Variants in GTF2A2 observed in about 807,000 individuals in gnomAD.
GTF2A2 encodes the protein general transcription factor IIA subunit 2, also known as transcription initiation factor IIA subunit 2.
GTF2A2 carries 9 observed loss-of-function variants against 14.3 expected under a neutral mutation model. That is an observed-to-expected ratio of 0.63 (90% confidence interval 0.38 to 1.10). The LOEUF (loss-of-function observed/expected upper bound fraction) is 1.10. Ranked by LOEUF, GTF2A2 falls within the 50% of genes least tolerant of loss-of-function variation. The pLI, the probability that GTF2A2 is intolerant of heterozygous loss-of-function variation, is 0.01. For synonymous variants in GTF2A2, 56 were observed against 46.0 expected, an observed-to-expected ratio of 1.22 and a Z score of -0.88; for missense variants, 90 against 124.6, an observed-to-expected ratio of 0.72 and a Z score of 1.32.
At chr15:59,655,209 AAAAAGT>A (rs1891907287) in intron 1 of GTF2A2, among the ~76,000 whole-genome samples, 1 of 152,210 alleles carries the variant, frequency 6.6e-6, no homozygotes, top group African/African-American at 2.4e-5. Flanking sequence ...CTCCCACCTT[AAAAAGT>A]AAAACAAAAC....
chr15:59,651,668 G>C (rs1454220210), intron 2 of GTF2A2: 1 of 151,986 alleles, frequency 6.6e-6, no homozygotes, highest in African/African-American at 2.4e-5. Context: ...TTTTTATGTT[G>C]AACAAAAATT....
intron 1 of GTF2A2, among the ~76,000 whole-genome samples, chr15:59,654,117 C>T (rs1044575688): frequency 6.6e-6 from 1 of 152,168 alleles, no homozygotes; most frequent in Non-Finnish European, 1.5e-5. Flanking sequence ...GACTTTAAAA[C>T]ATAAGGCAAA....
At chr15:59,639,896 G>A (rs572316167) in intron 4 of GTF2A2, among the ~76,000 whole-genome samples, 13 of 152,116 alleles carry the variant, frequency 8.5e-5, no homozygotes, top group African/African-American at 2.2e-4. Flanking sequence ...GATTACAGGC[G>A]GGTACCACCA....
At chr15:59,652,597 C>A (rs1160725760) in intron 1 of GTF2A2, among the ~76,000 whole-genome samples, 1 of 152,116 alleles carries the variant, frequency 6.6e-6, no homozygotes, top group Non-Finnish European at 1.5e-5. Flanking sequence ...CTTCAAATGT[C>A]TGCCTTCTGA....
At chr15:59,640,483 T>C (rs1434047838) in intron 4 of GTF2A2, among the ~76,000 whole-genome samples, 1 of 152,204 alleles carries the variant, frequency 6.6e-6, no homozygotes, top group Non-Finnish European at 1.5e-5. Flanking sequence ...TGGTAACCAC[T>C]GGCTAGCCAT....
chr15:59,653,402 T>C (rs1283456912), intron 1 of GTF2A2, among the ~76,000 whole-genome samples: 7 of 152,216 alleles, frequency 4.6e-5, no homozygotes, highest in African/African-American at 1.7e-4. Flanking sequence ...CATCAGTCCT[T>C]ACATTTCACA....
intron 3 of GTF2A2, among the ~76,000 whole-genome samples, chr15:59,646,532 G>T (rs1891612912): frequency 6.6e-6 from 1 of 152,040 alleles, no homozygotes; most frequent in South Asian, 2.1e-4. Flanking sequence ...CAAGTCCTTG[G>T]GATTTATGAG....
At chr15:59,647,950 T>C (rs916081250) in intron 3 of GTF2A2, among the ~76,000 whole-genome samples, 8 of 152,238 alleles carry the variant, frequency 5.3e-5, no homozygotes, top group African/African-American at 1.7e-4. Flanking sequence ...CTTTCAGTTT[T>C]GTTAGAAGGG....
intron 4 of GTF2A2, among the ~76,000 whole-genome samples, chr15:59,639,586 C>T (rs1350016320): frequency 6.6e-6 from 1 of 151,302 alleles, no homozygotes; most frequent in Non-Finnish European, 1.5e-5. Flanking sequence ...CCTCAGCCTC[C>T]CGAGTAGCTG....
chr15:59,641,181 C>CTTTTTTCTT, intron 4 of GTF2A2, among the ~76,000 whole-genome samples: 1 of 141,382 alleles, frequency 7.1e-6, no homozygotes, highest in African/African-American at 2.7e-5. Context: ...CAGCAAGACT[C>CTTTTTTCTT]TTTTTTTTTT....
At chr15:59,639,670 G>C (rs541773060) in intron 4 of GTF2A2, among the ~76,000 whole-genome samples, 1 of 152,076 alleles carries the variant, frequency 6.6e-6, no homozygotes, top group Non-Finnish European at 1.5e-5. Context: ...ATGTTAGCCA[G>C]GATGGTCTCG....
intron 3 of GTF2A2, among the ~76,000 whole-genome samples, chr15:59,648,250 A>C (rs1891672295): frequency 6.6e-6 from 1 of 151,852 alleles, no homozygotes; most frequent in Non-Finnish European, 1.5e-5. Flanking sequence ...CTTACTAAAA[A>C]TACAAAAATT....
chr15:59,655,446 G>T (rs1891914543), intron 1 of GTF2A2, among the ~76,000 whole-genome samples: 1 of 152,270 alleles, frequency 6.6e-6, no homozygotes, highest in Admixed American at 6.5e-5. Context: ...CAGAATATTG[G>T]ACACAGCTGA....
intron 3 of GTF2A2, among the ~76,000 whole-genome samples, chr15:59,649,686 A>G (rs987232275): frequency 1.3e-5 from 2 of 152,244 alleles, no homozygotes; most frequent in Admixed American, 1.3e-4. Flanking sequence ...ACTTATTTAT[A>G]TTAATATAAA....
intron 4 of GTF2A2, among the ~76,000 whole-genome samples, chr15:59,640,633 A>G (rs377602552): frequency 6.6e-6 from 1 of 152,244 alleles, no homozygotes; most frequent in African/African-American, 2.4e-5. Flanking sequence ...AAAAGTTCTA[A>G]GCAGTACTGG....
At chr15:59,653,150 C>G (rs1411469786) in intron 1 of GTF2A2, among the ~76,000 whole-genome samples, 2 of 152,034 alleles carry the variant, frequency 1.3e-5, no homozygotes, top group African/African-American at 2.4e-5. Context: ...TGGGGAGTCA[C>G]TGAAGAATTT....
rs774178130 is a variant in GTF2A2 at position 59,639,119 on chromosome 15, A to ATATT, written c.*9_*12dup. On this transcript the variant is annotated 3_prime_UTR_variant, in exon 5 of 5. Coordinates refer to ENST00000396060, the MANE Select transcript of GTF2A2 (RefSeq NM_004492.3). ...TAACAGAAGATGGTGTAAAAAAGTC[A>ATATT]TATTTTTTCTATTCATTCTGTAGTA... 5.0e-6 allele frequency: 7 copies of ATATT among 1,395,818 alleles called. No homozygotes were observed. The East Asian group carries it at 1.6e-4, about 32-fold the overall frequency. 86.5% of individuals were successfully genotyped at this position (1,395,818 alleles called of 1,614,324 possible). A position where few individuals can be genotyped will look rare whatever the true frequency, so the allele number is the denominator to read the frequency against.
intron 3 of GTF2A2, among the ~76,000 whole-genome samples, chr15:59,648,515 T>C (rs934545944): frequency 4.0e-5 from 6 of 151,780 alleles, no homozygotes; most frequent in Admixed American, 3.9e-4. Context: ...ATGGTACATA[T>C]GAGTTTTTTA....
intron 1 of GTF2A2, among the ~76,000 whole-genome samples, chr15:59,655,057 C>T (rs1412052470): frequency 4.6e-5 from 7 of 152,176 alleles, no homozygotes; most frequent in African/African-American, 1.7e-4. Context: ...TAAATCCAAT[C>T]CTTCTACCTT....
Sources: allele counts gnomAD v4.1 joint callset (sites outside exome capture counted in the v4.1 genomes callset), GRCh38; gene constraint gnomAD v4.1.1; transcripts MANE v1.5; gene names NCBI Gene and HGNC (gene_info 2026-07-23, HGNC 2026-07-21).